Variants in WDR17 observed in about 807,000 individuals in gnomAD.
WDR17 encodes WD repeat domain 17.
A neutral mutation model predicts 161.7 loss-of-function variants in WDR17; 143 were observed. The ratio of observed to expected loss-of-function variants is 0.88; its 90% CI spans 0.77 to 1.02. The LOEUF (loss-of-function observed/expected upper bound fraction) is 1.02, where lower values mean the gene tolerates loss of function less well. Among genes scored for constraint, WDR17 ranks in the 50% least tolerant of loss-of-function variants. The pLI, the probability that WDR17 is intolerant of heterozygous loss-of-function variation, is 0.00. For synonymous variants in WDR17, 517 were observed against 515.6 expected (o/e 1.00, Z -0.04); for missense variants, 1,469 against 1,520.9 (o/e 0.97, Z 0.57).
rs187730477 is a variant in WDR17 at position 176,171,376 on chromosome 4, A to G, written c.3103-999A>G. Among the ~76,000 whole-genome samples the G allele has an allele frequency of 1.3e-3, 202 of 152,310 alleles. 1 individual carries two copies. The highest frequency in any genetic ancestry group is 2.0e-3 in the Non-Finnish European group (139 of 68,012). ...AAGAACCTATGTCTCTATCTAGCCA[A>G]GCACAGTACCTACCCTATAGTAGTT... On this transcript the variant is annotated intron_variant, in intron 23 of 28. Coordinates refer to ENST00000508596, the MANE Select transcript of WDR17 (RefSeq NM_181265.4).
intron 9 of WDR17, 71 bp from the exon 10 acceptor site, chr4:176,139,821 A>T (rs1744965140): frequency 8.0e-7 from 1 of 1,252,550 alleles, no homozygotes; most frequent in Non-Finnish European, 1.1e-6. Flanking sequence ...TAATACTTAG[A>T]AGAAGTAAAT....
At position 176,131,781 on chromosome 4, in the gene WDR17, G is replaced by A. The variant is rs536441769; in HGVS notation, c.1098+43G>A. ...CCTTTATTATACATAATAGTTTTTTGTGTAAACCCATGATCTTTACTTTTA... is the reference window on the plus strand; with the variant it reads ...CCTTTATTATACATAATAGTTTTTTATGTAAACCCATGATCTTTACTTTTA... On this transcript the variant is annotated intron_variant, in intron 7 of 28. Coordinates refer to ENST00000508596, the MANE Select transcript of WDR17 (RefSeq NM_181265.4). 26 of 1,387,958 alleles carry A rather than the reference G, an allele frequency of 1.9e-5. No individual in the cohort carries two copies. The South Asian group carries it at 4.6e-4, about 24-fold the overall frequency. 86.0% of individuals were successfully genotyped at this position (1,387,958 alleles called of 1,614,324 possible). A position where few individuals can be genotyped will look rare whatever the true frequency, so the allele number is the denominator to read the frequency against.
intron 7 of WDR17, among the ~76,000 whole-genome samples, chr4:176,132,674 CT>C (rs554650724): frequency 2.4e-4 from 36 of 151,710 alleles, no homozygotes; most frequent in South Asian, 8.3e-4. Context: ...TTGAATTTTC[CT>C]TTTGTAGATA....
At chr4:176,118,248 A>G (rs1740951111) in intron 3 of WDR17, among the ~76,000 whole-genome samples, 1 of 152,160 alleles carries the variant, frequency 6.6e-6, no homozygotes, top group African/African-American at 2.4e-5. Flanking sequence ...TTATTATATG[A>G]CACTGTTTCT....
chr4:176,080,065 A>G (rs1009619578), intron 1 of WDR17, among the ~76,000 whole-genome samples: 1 of 152,050 alleles, frequency 6.6e-6, no homozygotes, highest in Non-Finnish European at 1.5e-5. Context: ...TTAAGTTTCC[A>G]ACACATGAAA....
chr4:176,111,706 A>G lies in WDR17; in HGVS notation c.123+3A>G. Reference sequence around the variant, plus strand: ...CCCTGGCTATCTATATTTATCAGGTAAAATAATAATTCTTTTCCATTTTTA... The same window carrying G: ...CCCTGGCTATCTATATTTATCAGGTGAAATAATAATTCTTTTCCATTTTTA... On this transcript the variant is annotated splice_donor_region_variant and intron_variant, in intron 2 of 28. Coordinates refer to ENST00000508596, the MANE Select transcript of WDR17 (RefSeq NM_181265.4). 6.4e-7 allele frequency: 1 copy of G among 1,561,246 alleles called. No individual in the cohort carries two copies. Among genetic ancestry groups the G allele is most frequent in the African/African-American group, 1.4e-5 (1 of 73,366 alleles).
intron 4 of WDR17, among the ~76,000 whole-genome samples, chr4:176,122,340 A>C (rs1469332273): frequency 6.6e-6 from 1 of 152,246 alleles, no homozygotes; most frequent in East Asian, 1.9e-4. Context: ...AATTCCAAAT[A>C]AGATCACATT....
intron 1 of WDR17, among the ~76,000 whole-genome samples, chr4:176,087,623 C>T (rs1735584763): frequency 6.6e-6 from 1 of 152,044 alleles, no homozygotes; most frequent in Non-Finnish European, 1.5e-5. Flanking sequence ...CTCTTACATA[C>T]ATGTTTAACT....
intron 18 of WDR17, among the ~76,000 whole-genome samples, chr4:176,156,478 T>C (rs1389867775): frequency 1.3e-5 from 2 of 152,174 alleles, no homozygotes; most frequent in Admixed American, 1.3e-4. Context: ...CATAGGTTCG[T>C]AAAATACTAT....
At chr4:176,151,670 CAA>C in intron 16 of WDR17, 140 bp from the exon 17 acceptor site, 1 of 724,304 alleles carries the variant, frequency 1.4e-6, no homozygotes, top group South Asian at 2.3e-5. Flanking sequence ...TCCATCACCT[CAA>C]GCATTTATCT....
At chr4:176,088,135 T>C (rs1487285374) in intron 1 of WDR17, among the ~76,000 whole-genome samples, 1 of 152,062 alleles carries the variant, frequency 6.6e-6, no homozygotes, top group African/African-American at 2.4e-5. Context: ...TGAGCCACCA[T>C]CCCTGGCCTT....
chr4:176,087,642 T>C (rs1227071366), intron 1 of WDR17, among the ~76,000 whole-genome samples: 1 of 152,126 alleles, frequency 6.6e-6, no homozygotes, highest in East Asian at 1.9e-4. Flanking sequence ...CTTTTCAGCA[T>C]ACCTTATCTG....
At chr4:176,105,268 A>G (rs184074047) in intron 1 of WDR17, among the ~76,000 whole-genome samples, 9 of 152,202 alleles carry the variant, frequency 5.9e-5, no homozygotes, top group Admixed American at 5.9e-4. Flanking sequence ...TAGTTCTACA[A>G]TAATAGTTGG....
chr4:176,168,805 TTCTG>T (rs1454219082), intron 23 of WDR17, 22 bp downstream of exon 23: 16 of 1,601,472 alleles, frequency 1.0e-5, no homozygotes, highest in Non-Finnish European at 1.4e-5. Flanking sequence ...ATGTTAAATA[TTCTG>T]GTTTGGAATG....
At position 176,177,304 on chromosome 4, in the gene WDR17, G is replaced by A. The variant is rs77773558; in HGVS notation, c.3548+148G>A. The A allele has an allele frequency of 4.0e-3, 3,806 of 955,610 alleles. 86 individuals carry two copies. The African/African-American group carries it at 0.049, about 12-fold the overall frequency. The allele number at this position is 955,610 out of a possible 1,614,324, so 59.2% of individuals were successfully genotyped here. A position where few individuals can be genotyped will look rare whatever the true frequency, so the allele number is the denominator to read the frequency against. On this transcript the variant is annotated intron_variant, in intron 27 of 28. Transcript: ENST00000508596. ...ATATGCAGTAATAATTTACAATACCGTACTTTTCTGCCATGTAGTCCTTTG... is the reference window on the plus strand; with the variant it reads ...ATATGCAGTAATAATTTACAATACCATACTTTTCTGCCATGTAGTCCTTTG...
chr4:176,129,008 A>G, intron 6 of WDR17, 148 bp downstream of exon 6: 3 of 639,202 alleles, frequency 4.7e-6, no homozygotes, highest in Admixed American at 4.3e-5. Flanking sequence ...TCAAGGATCC[A>G]TCAAAGCTAC....
intron 22 of WDR17, among the ~76,000 whole-genome samples, chr4:176,165,181 A>AC (rs1221956103): frequency 1.4e-5 from 2 of 148,120 alleles, no homozygotes; most frequent in Non-Finnish European, 1.5e-5. Context: ...AAAAAAAAAA[A>AC]ACCCATTACT....
In WDR17 at chr4:176,140,353, C is replaced by T. The variant is rs145534390; in HGVS notation, c.1442+379C>T. Among the ~76,000 whole-genome samples, 78 of 151,864 alleles carry T rather than the reference C, an allele frequency of 5.1e-4. No individual in the cohort carries two copies. In the East Asian group the frequency reaches 5.2e-3, roughly 10 times the overall value. On this transcript the variant is annotated intron_variant, in intron 10 of 28. Transcript: ENST00000508596. ...AGGTGATTCAGCATATATTAAGTGC[C>T]GTAAAAACTTGTTTATAGTTGTGTA...
intron 17 of WDR17, among the ~76,000 whole-genome samples, chr4:176,153,776 C>T (rs1412962832): frequency 6.6e-6 from 1 of 152,038 alleles, no homozygotes; most frequent in Non-Finnish European, 1.5e-5. Context: ...TTTTACTTTC[C>T]ATATACTTCA....
Sources: allele counts gnomAD v4.1 joint callset (sites outside exome capture counted in the v4.1 genomes callset), GRCh38; gene constraint gnomAD v4.1.1; transcripts MANE v1.5; gene names NCBI Gene and HGNC (gene_info 2026-07-23, HGNC 2026-07-21).